PDZRN3: variants seen among roughly 807,000 people sequenced by gnomAD.
PDZRN3 encodes the protein E3 ubiquitin-protein ligase PDZRN3.
PDZRN3 carries 38 observed loss-of-function variants against 85.7 expected under a neutral mutation model. The ratio of observed to expected loss-of-function variants is 0.44; its 90% CI spans 0.34 to 0.58. The LOEUF is 0.58. PDZRN3 is among the 20% of genes least tolerant of loss of function. PDZRN3 has a pLI of 0.01. For synonymous variants in PDZRN3, 759 were observed against 638.0 expected, an observed-to-expected ratio of 1.19 and a Z score of -2.86; for missense variants, 1,629 against 1,506.4, an observed-to-expected ratio of 1.08 and a Z score of -1.35.
chr3:73,428,094 G>T (rs576535260), intron 3 of PDZRN3, among the ~76,000 whole-genome samples: 1 of 152,180 alleles, frequency 6.6e-6, no homozygotes, highest in Non-Finnish European at 1.5e-5. Flanking sequence ...GAGGCCTGCA[G>T]GACCAGGGCA....
At chr3:73,466,898 T>C (rs1272577980) in intron 3 of PDZRN3, among the ~76,000 whole-genome samples, 2 of 152,236 alleles carry the variant, frequency 1.3e-5, no homozygotes, top group African/African-American at 2.4e-5. Context: ...ATTTGTGTTC[T>C]CTTTCCACTT....
chr3:73,393,951 TA>T (rs1222825140), intron 5 of PDZRN3, among the ~76,000 whole-genome samples: 2 of 152,218 alleles, frequency 1.3e-5, no homozygotes, highest in Admixed American at 6.5e-5. Flanking sequence ...GGAGGACTGT[TA>T]AGCTACAGAG....
At chr3:73,489,969 T>G (rs528380305) in intron 3 of PDZRN3, among the ~76,000 whole-genome samples, 2 of 152,352 alleles carry the variant, frequency 1.3e-5, no homozygotes, top group Middle Eastern at 6.8e-3. Context: ...AATAATGATC[T>G]GATTTTGTGA....
intron 3 of PDZRN3, among the ~76,000 whole-genome samples, chr3:73,412,356 A>C (rs1240515223): frequency 6.6e-6 from 1 of 152,230 alleles, no homozygotes; most frequent in African/African-American, 2.4e-5. Context: ...GGCTGGCTAC[A>C]ATAAAATTTC....
intron 3 of PDZRN3, among the ~76,000 whole-genome samples, chr3:73,554,353 G>GACAC (rs35130068): frequency 0.01 from 1,517 of 147,648 alleles, 19 homozygotes; most frequent in African/African-American, 0.033. Context: ...GTTGAGAGAA[G>GACAC]ACACACACAC....
intron 3 of PDZRN3, among the ~76,000 whole-genome samples, chr3:73,477,440 G>C (rs1225284585): frequency 2.0e-5 from 3 of 152,178 alleles, no homozygotes; most frequent in Non-Finnish European, 2.9e-5. Flanking sequence ...AAGTGAGACA[G>C]ATAATTCCTG....
Position 73,404,331 on chromosome 3 carries a change from T to G in PDZRN3, c.983A>C (p.Lys328Thr). Reference protein sequence around the residue: ...DQAVEAFKTAKEPIVVQVLRR... With the variant: ...DQAVEAFKTATEPIVVQVLRR... ...CAACACCTGCACCACTATGGGCTCCTTGGCTGTCTTGAAAGCTTCCACAGC... is the reference window on the plus strand; with the variant it reads ...CAACACCTGCACCACTATGGGCTCCGTGGCTGTCTTGAAAGCTTCCACAGC... The change falls in exon 4 of 10, where the codon AAG becomes ACG. Residue 328 changes from lysine to threonine, a missense_variant. By Grantham distance (78) the Lys-to-Thr change is moderately conservative (BLOSUM62 -1). Transcript: ENST00000263666. 1 of 1,614,212 alleles carries G rather than the reference T, an allele frequency of 6.2e-7. No homozygotes were observed. Among genetic ancestry groups the G allele is most frequent in the Non-Finnish European group, 8.5e-7 (1 of 1,180,020 alleles).
chr3:73,406,787 T>A (rs958283323), intron 3 of PDZRN3, among the ~76,000 whole-genome samples: 4 of 152,230 alleles, frequency 2.6e-5, no homozygotes, highest in African/African-American at 9.6e-5. Context: ...GACTTCCTGT[T>A]CTTCTTAAGA....
chr3:73,468,342 A>C (rs948868241), intron 3 of PDZRN3, among the ~76,000 whole-genome samples: 5 of 152,132 alleles, frequency 3.3e-5, no homozygotes, highest in Admixed American at 6.5e-5. Flanking sequence ...CCTTGATTAT[A>C]GTTTGGTTAC....
intron 3 of PDZRN3, among the ~76,000 whole-genome samples, chr3:73,468,122 T>C (rs1703257283): frequency 6.6e-6 from 1 of 151,694 alleles, no homozygotes; most frequent in African/African-American, 2.4e-5. Context: ...ATAATAATAA[T>C]AATTAAAAAA....
chr3:73,473,290 C>T (rs1703384153), intron 3 of PDZRN3, among the ~76,000 whole-genome samples: 1 of 151,862 alleles, frequency 6.6e-6, no homozygotes, highest in South Asian at 2.1e-4. Context: ...ATATTTGGTG[C>T]AAGTTCTCTG....
rs113796133 is a variant in PDZRN3, at chr3:73,384,546, C to G, written c.2020G>C (p.Gly674Arg). ...LYYPSGPLDA[G>R]KSDPESVDKE... ...TCCACGCTCTCAGGGTCACTCTTGC[C>G]GGCGTCCAGGGGGCCGCTAGGGTAG... Residue 674 changes from glycine to arginine, a missense_variant, in exon 10 of 10, where the codon GGC becomes CGC. Physicochemically the swap from Gly to Arg is moderately radical, Grantham distance 125 (BLOSUM62 -2). Transcript: ENST00000263666. The G allele has an allele frequency of 3.7e-5, 60 of 1,613,682 alleles. No homozygotes were observed. In the East Asian group the frequency reaches 1.3e-3, roughly 36 times the overall value.
intron 3 of PDZRN3, among the ~76,000 whole-genome samples, chr3:73,411,011 C>T (rs1701956294): frequency 6.6e-6 from 1 of 152,238 alleles, no homozygotes; most frequent in African/African-American, 2.4e-5. Context: ...AGCCAAATCT[C>T]CCTATCTTCT....
chr3:73,623,490 T>A (rs1240200780), intron 1 of PDZRN3: 1 of 152,252 alleles, frequency 6.6e-6, no homozygotes, highest in East Asian at 1.9e-4. Context: ...TTTCCAACTT[T>A]AGAGAGGTTA....
intron 1 of PDZRN3, among the ~76,000 whole-genome samples, chr3:73,621,495 A>G (rs1702860149): frequency 6.6e-6 from 1 of 152,222 alleles, no homozygotes; most frequent in Admixed American, 6.5e-5. Flanking sequence ...ACCCAGCAGG[A>G]GCAGAGAGCC....
At chr3:73,478,476 G>A (rs1017029968) in intron 3 of PDZRN3, among the ~76,000 whole-genome samples, 5 of 151,764 alleles carry the variant, frequency 3.3e-5, no homozygotes, top group African/African-American at 1.2e-4. Flanking sequence ...CCAGTTGCAA[G>A]GCTCCCACTG....
chr3:73,491,017 G>C (rs1703760179), intron 3 of PDZRN3, among the ~76,000 whole-genome samples: 1 of 152,180 alleles, frequency 6.6e-6, no homozygotes, highest in Non-Finnish European at 1.5e-5. Flanking sequence ...CCAAGTTCAG[G>C]GTCAGTTCAG....
At chr3:73,393,743 T>A (rs1002916177) in intron 5 of PDZRN3, among the ~76,000 whole-genome samples, 2 of 152,182 alleles carry the variant, frequency 1.3e-5, no homozygotes, top group Admixed American at 1.3e-4. Flanking sequence ...TTCTTGCTTG[T>A]ATTCAAGCAA....
At chr3:73,472,119 G>A (rs1703355392) in intron 3 of PDZRN3, among the ~76,000 whole-genome samples, 1 of 152,216 alleles carries the variant, frequency 6.6e-6, no homozygotes, top group African/African-American at 2.4e-5. Flanking sequence ...GCAAAGCAAT[G>A]CAGAAAACAA....
Sources: allele counts gnomAD v4.1 joint callset (sites outside exome capture counted in the v4.1 genomes callset), GRCh38; gene constraint gnomAD v4.1.1; transcripts MANE v1.5; gene names NCBI Gene and HGNC (gene_info 2026-07-23, HGNC 2026-07-21).